DLGAP2: variants seen among roughly 807,000 people sequenced by gnomAD.
The protein encoded by DLGAP2 is DLG associated protein 2.
DLGAP2 carries 26 observed loss-of-function variants against 100.3 expected under a neutral mutation model. The observed-to-expected ratio is 0.26, with a 90% CI of 0.19 to 0.36. DLGAP2 has a LOEUF of 0.36. Ranked by LOEUF, DLGAP2 falls within the 10% of genes least tolerant of loss-of-function variation. The probability of loss-of-function intolerance (pLI) is 1.00; values close to 1 mark genes in which losing one functional copy is unlikely to be tolerated. For synonymous variants in DLGAP2, 886 were observed against 630.1 expected (o/e 1.41, Z -6.08); for missense variants, 1,858 against 1,453.2 (o/e 1.28, Z -4.53).
intron 2 of DLGAP2, among the ~76,000 whole-genome samples, chr8:938,111 A>G (rs571925281): frequency 3.9e-4 from 60 of 152,266 alleles, no homozygotes; most frequent in South Asian, 1.9e-3. Flanking sequence ...TAGGACATCA[A>G]ACGTGCAGTG....
At chr8:1,454,535 C>T (rs1798251509) in intron 3 of DLGAP2, among the ~76,000 whole-genome samples, 1 of 152,142 alleles carries the variant, frequency 6.6e-6, no homozygotes, top group Non-Finnish European at 1.5e-5. Flanking sequence ...ACACTGCTTC[C>T]TCCTGGGTGG....
At chr8:890,426 C>T (rs1021161725) in intron 1 of DLGAP2, among the ~76,000 whole-genome samples, 52 of 152,160 alleles carry the variant, frequency 3.4e-4, no homozygotes, top group African/African-American at 1.2e-3. Flanking sequence ...GAATATAGTT[C>T]GGGAATTGCC....
At chr8:762,792 G>A (rs76479653) in intron 1 of DLGAP2, among the ~76,000 whole-genome samples, 1,986 of 152,022 alleles carry the variant, frequency 0.013, 57 homozygotes, top group African/African-American at 0.046. Context: ...GATCCTCCCC[G>A]TCAGCCTCCG....
At chr8:994,015 T>C (rs1563133158) in intron 2 of DLGAP2, among the ~76,000 whole-genome samples, 1 of 152,156 alleles carries the variant, frequency 6.6e-6, no homozygotes, top group Admixed American at 6.5e-5. Flanking sequence ...CTTTTGTATT[T>C]ACACTCTAGC....
At chr8:786,162 C>T (rs915758734) in intron 1 of DLGAP2, among the ~76,000 whole-genome samples, 1 of 152,224 alleles carries the variant, frequency 6.6e-6, no homozygotes, top group Non-Finnish European at 1.5e-5. Context: ...AAAAGCCCGT[C>T]CTGGCAGGCG....
chr8:1,038,020 G>C (rs1170853667), intron 2 of DLGAP2, among the ~76,000 whole-genome samples: 1 of 152,250 alleles, frequency 6.6e-6, no homozygotes, highest in African/African-American at 2.4e-5. Context: ...GAGGCTGGGA[G>C]AGCTGGTGTG....
chr8:1,408,870 A>T (rs1796649177), intron 3 of DLGAP2, among the ~76,000 whole-genome samples: 1 of 152,152 alleles, frequency 6.6e-6, no homozygotes. Context: ...CAGAGAAGAA[A>T]GCTGGGCAGT....
chr8:1,355,490 G>T (rs377332964), intron 3 of DLGAP2, among the ~76,000 whole-genome samples: 1 of 152,054 alleles, frequency 6.6e-6, no homozygotes, highest in Non-Finnish European at 1.5e-5. Flanking sequence ...TCAACCTCCT[G>T]AGTAGCTGGG....
At chr8:1,530,010 A>G (rs1465020236) in intron 4 of DLGAP2, among the ~76,000 whole-genome samples, 1 of 152,252 alleles carries the variant, frequency 6.6e-6, no homozygotes, top group Non-Finnish European at 1.5e-5. Context: ...GGGTGAGATC[A>G]CAGGACCACA....
intron 3 of DLGAP2, among the ~76,000 whole-genome samples, chr8:1,391,863 T>G (rs1369413376): frequency 6.6e-6 from 1 of 152,244 alleles, no homozygotes; most frequent in Non-Finnish European, 1.5e-5. Context: ...GACCCGAGTA[T>G]GTGTCTTCCC....
chr8:1,314,494 C>T (rs893583853), intron 3 of DLGAP2, among the ~76,000 whole-genome samples: 1 of 152,212 alleles, frequency 6.6e-6, no homozygotes, highest in African/African-American at 2.4e-5. Context: ...ATTTCTCCAT[C>T]CAAAAAATAA....
chr8:1,155,670 C>A lies in DLGAP2; in HGVS notation c.74-103181C>A, dbSNP rs566626930. Among the ~76,000 whole-genome samples the A allele has an allele frequency of 3.3e-5, 5 of 151,750 alleles. No individual in the cohort carries two copies. In the South Asian group the frequency reaches 1.0e-3, roughly 32 times the overall value. ...TTCCGGACTCCGAGACCCCCAGGCCCCTCCGAGGCCCCCAGGCCCCTCCGA... is the reference window on the plus strand; with the variant it reads ...TTCCGGACTCCGAGACCCCCAGGCCACTCCGAGGCCCCCAGGCCCCTCCGA... On this transcript the variant is annotated intron_variant, in intron 2 of 14. Transcript: ENST00000637795.
At chr8:847,183 C>G (rs1044917848) in intron 1 of DLGAP2, among the ~76,000 whole-genome samples, 6 of 152,168 alleles carry the variant, frequency 3.9e-5, no homozygotes, top group African/African-American at 1.2e-4. Context: ...TTCAGGTTTT[C>G]TGCTGCTTCT....
intron 3 of DLGAP2, among the ~76,000 whole-genome samples, chr8:1,425,933 G>T (rs182371560): frequency 3.3e-4 from 50 of 152,308 alleles, no homozygotes; most frequent in African/African-American, 1.2e-3. Context: ...AAATAGCCAG[G>T]ACCTGATGTA....
chr8:1,229,894 C>G (rs892688260), intron 2 of DLGAP2, among the ~76,000 whole-genome samples: 7 of 152,120 alleles, frequency 4.6e-5, no homozygotes, highest in Admixed American at 1.3e-4. Context: ...CCACCTATGA[C>G]AAACCCACAG....
intron 2 of DLGAP2, among the ~76,000 whole-genome samples, chr8:1,054,712 T>C (rs1802825737): frequency 1.3e-5 from 2 of 152,198 alleles, no homozygotes; most frequent in Admixed American, 1.3e-4. Flanking sequence ...TAACATTATT[T>C]GGAAGGTTTG....
chr8:918,533 C>T (rs1023551669), intron 2 of DLGAP2, among the ~76,000 whole-genome samples: 2 of 152,142 alleles, frequency 1.3e-5, no homozygotes, highest in Admixed American at 6.5e-5. Flanking sequence ...GTCTGTGCCC[C>T]GCTGTGTCTG....
intron 3 of DLGAP2, among the ~76,000 whole-genome samples, chr8:1,293,234 G>T (rs1276263306): frequency 6.6e-6 from 1 of 152,082 alleles, no homozygotes; most frequent in Non-Finnish European, 1.5e-5. Flanking sequence ...ACACACATGG[G>T]CCCACATGCC....
intron 3 of DLGAP2, among the ~76,000 whole-genome samples, chr8:1,291,737 T>A (rs2116971226): frequency 6.6e-6 from 1 of 152,248 alleles, no homozygotes; most frequent in East Asian, 1.9e-4. Flanking sequence ...TCCAGTGTGC[T>A]TTGGACCCCA....
Sources: allele counts gnomAD v4.1 joint callset (sites outside exome capture counted in the v4.1 genomes callset), GRCh38; gene constraint gnomAD v4.1.1; transcripts MANE v1.5; gene names NCBI Gene and HGNC (gene_info 2026-07-23, HGNC 2026-07-21).